Variants in TOX2 observed in about 807,000 individuals in gnomAD.
TOX2 encodes granulosa cell HMG box 1.
In TOX2, 15 loss-of-function variants were observed where a neutral mutation model predicts 47.4. The ratio of observed to expected loss-of-function variants is 0.32; its 90% confidence interval spans 0.21 to 0.49. The LOEUF (loss-of-function observed/expected upper bound fraction) is 0.49. Among genes scored for constraint, TOX2 ranks in the 20% least tolerant of loss-of-function variants. The probability of loss-of-function intolerance (pLI) is 0.99; values close to 1 mark genes in which losing one functional copy is unlikely to be tolerated. For missense variants in TOX2, 622 were observed against 673.1 expected, an observed-to-expected ratio of 0.92 and a Z score of 0.84; for synonymous variants, 290 against 296.6, an observed-to-expected ratio of 0.98 and a Z score of 0.23.
At chr20:43,925,743 C>T (rs1569001533) in intron 1 of TOX2, among the ~76,000 whole-genome samples, 1 of 152,212 alleles carries the variant, frequency 6.6e-6, no homozygotes, top group Non-Finnish European at 1.5e-5. Context: ...AGTCTCATAA[C>T]GTTTCTGATC....
chr20:44,035,455 T>C (rs1412186228), intron 3 of TOX2, among the ~76,000 whole-genome samples: 1 of 152,038 alleles, frequency 6.6e-6, no homozygotes, highest in Non-Finnish European at 1.5e-5. Flanking sequence ...CCACTTCCTC[T>C]CGGTGGCCGC....
chr20:44,041,156 C>G (rs192066600), intron 3 of TOX2, among the ~76,000 whole-genome samples: 260 of 152,330 alleles, frequency 1.7e-3, no homozygotes, highest in African/African-American at 5.8e-3. Flanking sequence ...CACTGCACAG[C>G]CAGCAGGGTG....
chr20:43,983,545 G>A (rs971651947), intron 2 of TOX2, among the ~76,000 whole-genome samples: 1 of 152,166 alleles, frequency 6.6e-6, no homozygotes, highest in African/African-American at 2.4e-5. Flanking sequence ...CTTCCAGCAG[G>A]GGGCAGTGTC....
At chr20:43,923,304 A>G (rs913773893) in intron 1 of TOX2, among the ~76,000 whole-genome samples, 6 of 151,596 alleles carry the variant, frequency 4.0e-5, no homozygotes, top group Non-Finnish European at 5.9e-5. Context: ...ACCATCCTCA[A>G]CGACTGTCTC....
In TOX2 at chr20:44,066,884, G is replaced by T. The variant is rs201154897; in HGVS notation, c.1484+27G>T. ...TTAGTCCTCGCCCGTCCCTGCCTTT[G>T]TCCTGCCAGCCAGGGAGAGTGGGAA... is the stretch of plus-strand genomic sequence containing the variant. On this transcript the variant is annotated intron_variant, in intron 8 of 8. Transcript: ENST00000341197. 32 of 1,598,530 alleles carry T rather than the reference G, an allele frequency of 2.0e-5. No individual in the cohort carries two copies. In the South Asian group the frequency reaches 3.6e-4, roughly 18 times the overall value.
At chr20:44,035,503 G>A (rs1443087645) in intron 3 of TOX2, among the ~76,000 whole-genome samples, 1 of 152,138 alleles carries the variant, frequency 6.6e-6, no homozygotes. Context: ...CGCTGCACAT[G>A]TCTTACTCCT....
intron 1 of TOX2, among the ~76,000 whole-genome samples, chr20:43,955,556 G>A (rs1230775535): frequency 6.6e-6 from 1 of 152,322 alleles, no homozygotes. Context: ...AGAAGGAAGT[G>A]TGTGACCAAG....
intron 8 of TOX2, 77 bp downstream of exon 8, chr20:44,066,934 G>C (rs1234003297): frequency 1.3e-6 from 2 of 1,554,768 alleles, no homozygotes; most frequent in Non-Finnish European, 1.7e-6. Context: ...ATGGGAGAAT[G>C]GCCAAGGGCA....
chr20:44,050,727 C>T (rs2071493952), intron 3 of TOX2, among the ~76,000 whole-genome samples: 1 of 151,992 alleles, frequency 6.6e-6, no homozygotes, highest in Non-Finnish European at 1.5e-5. Context: ...TTAACACATG[C>T]TTATACAATA....
chr20:44,014,232 G>A (rs1242209144), intron 3 of TOX2, among the ~76,000 whole-genome samples: 1 of 151,432 alleles, frequency 6.6e-6, no homozygotes, highest in African/African-American at 2.4e-5. Flanking sequence ...GGGTGCAAGA[G>A]AGGGTACACC....
intron 1 of TOX2, among the ~76,000 whole-genome samples, chr20:43,962,591 A>G (rs2069782076): frequency 6.6e-6 from 1 of 152,228 alleles, no homozygotes; most frequent in African/African-American, 2.4e-5. Context: ...GTACATAGTT[A>G]AGGCCTCAGT....
chr20:43,925,398 A>T (rs1228851158), intron 1 of TOX2, among the ~76,000 whole-genome samples: 3 of 152,040 alleles, frequency 2.0e-5, no homozygotes, highest in African/African-American at 7.2e-5. Flanking sequence ...GTGTGGGATG[A>T]GCCTACGAAG....
chr20:44,066,671 G>C, intron 7 of TOX2, 59 bp from the exon 8 acceptor site: 1 of 1,612,612 alleles, frequency 6.2e-7, no homozygotes, highest in Non-Finnish European at 8.5e-7. Flanking sequence ...CGGGAGGCCT[G>C]GGACAGTCTG....
chr20:43,929,963 C>T (rs1357089890), intron 1 of TOX2, among the ~76,000 whole-genome samples: 2 of 152,210 alleles, frequency 1.3e-5, no homozygotes, highest in African/African-American at 4.8e-5. Context: ...CCGCCTCGGC[C>T]TCCCGAAGCG....
At position 44,051,550 on chromosome 20, in the gene TOX2, G is replaced by C. The variant is rs746296860; in HGVS notation, c.651+5G>C. On this transcript the variant is annotated splice_donor_5th_base_variant and intron_variant, in intron 4 of 8. Coordinates refer to ENST00000341197, the MANE Select transcript of TOX2 (RefSeq NM_001098797.2). Reference sequence around the variant, plus strand: ...GAGTCGGAAGTGCATTTCAAGGTATGTGCGGTGGAGGAACAGAGCCTGAAG... The same window carrying C: ...GAGTCGGAAGTGCATTTCAAGGTATCTGCGGTGGAGGAACAGAGCCTGAAG... 25 of 1,572,844 alleles carry C rather than the reference G, an allele frequency of 1.6e-5. No individual in the cohort carries two copies. The highest frequency in any genetic ancestry group is 2.1e-5 in the Non-Finnish European group (24 of 1,155,222).
intron 1 of TOX2, among the ~76,000 whole-genome samples, chr20:43,929,493 TC>T (rs58233672): frequency 6.6e-6 from 1 of 151,836 alleles, no homozygotes; most frequent in Admixed American, 6.6e-5. Context: ...ATTTCTCAGA[TC>T]CCCCCACCCT....
chr20:43,966,574 G>A (rs1276707179), intron 1 of TOX2, among the ~76,000 whole-genome samples: 2 of 151,932 alleles, frequency 1.3e-5, no homozygotes, highest in African/African-American at 2.4e-5. Flanking sequence ...CCTGGTCAAC[G>A]TGGTGAAACC....
At chr20:43,972,559 G>A (rs2069993871) in intron 1 of TOX2, among the ~76,000 whole-genome samples, 1 of 152,222 alleles carries the variant, frequency 6.6e-6, no homozygotes, top group Non-Finnish European at 1.5e-5. Flanking sequence ...AATGTGTTGA[G>A]TCAAGTGCTC....
chr20:43,921,999 A>C (rs564356102), intron 1 of TOX2, among the ~76,000 whole-genome samples: 1 of 152,310 alleles, frequency 6.6e-6, no homozygotes, highest in African/African-American at 2.4e-5. Flanking sequence ...GCAGCAGAGA[A>C]AGTGGGTTTT....
Sources: gnomAD v4.1 joint callset for allele counts (sites outside exome capture counted in the v4.1 genomes callset) on GRCh38, gnomAD v4.1.1 for gene constraint, MANE v1.5 for transcripts, NCBI Gene and HGNC (gene_info 2026-07-23, HGNC 2026-07-21) for gene names.